The following UNC93B1 variants were observed in gnomAD, a reference collection of about 807,000 sequenced individuals.
The protein encoded by UNC93B1 is unc-93B1 regulator of TLR signaling.
Under a neutral mutation model 56.8 loss-of-function variants are expected in UNC93B1, and 33 were observed. That is an observed-to-expected ratio of 0.58 (90% CI 0.44 to 0.78). UNC93B1 has a LOEUF of 0.78. Ranked by LOEUF, UNC93B1 falls within the 30% of genes least tolerant of loss-of-function variation. The pLI, the probability that UNC93B1 is intolerant of heterozygous loss-of-function variation, is 0.00. For missense variants in UNC93B1, 673 were observed against 819.5 expected (o/e 0.82, Z 2.18); for synonymous variants, 334 against 358.6 (o/e 0.93, Z 0.77).
chr11:67,994,014 G>C (rs10459020), intron 9 of UNC93B1, among the ~76,000 whole-genome samples: 22,706 of 152,206 alleles, frequency 0.15, 1,820 homozygotes, highest in South Asian at 0.18. Flanking sequence ...CAGGTGCCTC[G>C]GGCTGTGTGG....
Position 67,996,582 on chromosome 11 carries a change from C to T in UNC93B1, c.1089+20G>A, listed in dbSNP as rs1347456889. ...GCTATCTTGTCTTTTGTCGGGCAAT[C>T]CTTTGCAGGCTGTACTTACCAAGGC... On this transcript the variant is annotated intron_variant, in intron 8 of 10. Coordinates refer to ENST00000227471, the MANE Select transcript of UNC93B1 (RefSeq NM_030930.4). The T allele has an allele frequency of 5.3e-6, 8 of 1,509,590 alleles. No individual in the cohort carries two copies. Among genetic ancestry groups the T allele is most frequent in the Non-Finnish European group, 7.1e-6 (8 of 1,123,348 alleles). The allele number at this position is 1,509,590 out of a possible 1,614,324, so 93.5% of individuals were successfully genotyped here.
At chr11:67,993,914 C>T (rs374211173) in intron 9 of UNC93B1, 120 bp from the exon 10 acceptor site, 10 of 761,468 alleles carry the variant, frequency 1.3e-5, no homozygotes, top group East Asian at 5.4e-5. Flanking sequence ...GACCAGAGAG[C>T]GCCTAGAAAG....
chr11:68,003,835 G>T lies in UNC93B1; in HGVS notation c.97-37C>A, dbSNP rs1225827597. The T allele has an allele frequency of 4.9e-6, 7 of 1,427,900 alleles. No individual in the cohort carries two copies. Among genetic ancestry groups the T allele is most frequent in the South Asian group, 4.2e-5 (3 of 70,756 alleles). The allele number at this position is 1,427,900 out of a possible 1,614,324, so 88.5% of individuals were successfully genotyped here. A position where few individuals can be genotyped will look rare whatever the true frequency, so the allele number is the denominator to read the frequency against. On this transcript the variant is annotated intron_variant, in intron 1 of 10. Transcript: ENST00000227471. This position sits in a 1 kb window ranked among gnomAD's most constrained non-coding sequence, Gnocchi z 4.4. The stretch of plus-strand genomic sequence containing the variant: ...GCACGCCGCTCGCACCCGCGATCGC[G>T]CCCCGAACCCGTGTCCCCCGGTGCC...
rs964738111 is a variant in UNC93B1, at chr11:67,991,563, C to T, written c.1777G>A (p.Gly593Arg). ...CPYEQAQGGD[G>R]PEEQ is the part of the protein sequence containing the mutation. ...GCGGCCCCTCACTGCTCCTCCGGCC[C>T]GTCTCCCCCCTGCGCCTGTTCGTAC... The change falls in exon 11 of 11, where the codon GGG becomes AGG. Residue 593 changes from glycine to arginine, a missense_variant. Physicochemically the swap from Gly to Arg is moderately radical, Grantham distance 125. Around this residue, in one of 3 missense-constraint regions of UNC93B1, gnomAD observed 80 missense variants for 85.3 expected, o/e 0.94. Coordinates refer to ENST00000227471, the MANE Select transcript of UNC93B1 (RefSeq NM_030930.4). The T allele has an allele frequency of 1.5e-4, 222 of 1,472,490 alleles. 1 individual carries two copies. In the Middle Eastern group the frequency reaches 1.7e-3, roughly 11 times the overall value. The allele number at this position is 1,472,490 out of a possible 1,614,324, so 91.2% of individuals were successfully genotyped here. A position where few individuals can be genotyped will look rare whatever the true frequency, so the allele number is the denominator to read the frequency against.
Position 67,999,218 on chromosome 11 carries a change from C to T in UNC93B1, c.642G>A (p.Ala214=), listed in dbSNP as rs201137048. The T allele has an allele frequency of 7.9e-4, 1,278 of 1,613,802 alleles. 1 individual carries two copies. The highest frequency in any genetic ancestry group is 9.3e-4 in the Non-Finnish European group (1,101 of 1,179,902). The change falls in exon 5 of 11, where the codon GCG becomes GCA. Residue 214 remains alanine (A), a synonymous_variant. Coordinates refer to ENST00000227471, the MANE Select transcript of UNC93B1 (RefSeq NM_030930.4). ...TGGCTTGGAAGACCAGGAGATAGGG[C>T]GCGTGGGAGCCCCGCGGAGGCCGCT... ...MKQRPPRGSH[A]PYLLVFQAIF...
At position 68,003,165 on chromosome 11, in the gene UNC93B1, C is replaced by G; in HGVS notation, c.249G>C (p.Gln83His). The G allele has an allele frequency of 4.3e-6, 7 of 1,611,942 alleles. No homozygotes were observed. The highest frequency in any genetic ancestry group is 5.9e-6 in the Non-Finnish European group (7 of 1,179,702). ...CGTCGTAGTGCAGGATCAGCTGCAT[C>G]TGCAGGAGGCCTGGGGACAGGACAG... ...LTYGVYLGLL[Q>H]MQLILHYDET... is the part of the protein sequence containing the mutation. Residue 83 changes from glutamine (Q) to histidine (H), a missense_variant, in exon 3 of 11, where the codon CAG (glutamine) becomes CAC (histidine). By Grantham distance (24) the Gln-to-His change is conservative. Transcript: ENST00000227471. The surrounding 1 kb of genome is among the most constrained non-coding windows in gnomAD (Gnocchi z 4.4).
chr11:67,994,897 T>G (rs4014619), intron 9 of UNC93B1, among the ~76,000 whole-genome samples: 5 of 152,098 alleles, frequency 3.3e-5, no homozygotes, highest in African/African-American at 9.7e-5. Flanking sequence ...CTAGCTGTGT[T>G]TCACTGCGTG....
rs754100504 is a variant in UNC93B1, at chr11:67,999,300, G to A, written c.560C>T (p.Ala187Val). ...GTGGGAGTACTCATGGTACTTCTGC[G>A]CCATCCTGGACCACAAAGGAGAGAA... ...ASMGNYITRMAQKYHEYSHYK... is the reference protein window; with the variant it reads ...ASMGNYITRMVQKYHEYSHYK... The change falls in exon 5 of 11, where the codon GCG becomes GTG. Residue 187 changes from alanine (A) to valine (V), a missense_variant. Ala to Val is a moderately conservative substitution (Grantham distance 64, BLOSUM62 0). This residue lies in a region of UNC93B1 where 438 missense variants were observed against 465.9 expected (regional missense o/e 0.94). Transcript: ENST00000227471. 9.3e-6 allele frequency: 15 copies of A among 1,612,158 alleles called. No individual in the cohort carries two copies. The highest frequency in any genetic ancestry group is 3.3e-5 in the Admixed American group (2 of 59,742).
In UNC93B1 at chr11:67,991,568, C is replaced by G. The variant is rs531159136; in HGVS notation, c.1772G>C (p.Gly591Ala). Residue 591 changes from glycine (G) to alanine (A), a missense_variant, in exon 11 of 11, where the codon GGA becomes GCA. Around this residue, in one of 3 missense-constraint regions of UNC93B1, gnomAD observed 80 missense variants for 85.3 expected, o/e 0.94. Transcript: ENST00000227471. ...CCCTCACTGCTCCTCCGGCCCGTCTCCCCCCTGCGCCTGTTCGTACGGGCA... is the reference window on the plus strand; with the variant it reads ...CCCTCACTGCTCCTCCGGCCCGTCTGCCCCCTGCGCCTGTTCGTACGGGCA... ...RPCPYEQAQG[G>A]DGPEEQ is the part of the protein sequence containing the mutation. The G allele has an allele frequency of 5.4e-6, 8 of 1,478,972 alleles. No homozygotes were observed. The highest frequency in any genetic ancestry group is 2.8e-5 in the East Asian group (1 of 36,328). 91.6% of individuals were successfully genotyped at this position (1,478,972 alleles called of 1,614,324 possible). A position where few individuals can be genotyped will look rare whatever the true frequency, so the allele number is the denominator to read the frequency against.
Position 67,996,703 on chromosome 11 carries a change from G to A in UNC93B1, c.988C>T (p.Leu330=). The A allele has an allele frequency of 1.3e-6, 2 of 1,552,370 alleles. No individual in the cohort carries two copies. Among genetic ancestry groups the A allele is most frequent in the East Asian group, 2.4e-5 (1 of 40,968 alleles). ...TAGTCACGCACGTGCTTGAAGGGCA[G>A]CTGGAAGATGTTGCCCCAGCCCACG... ...RSVGWGNIFQ[L]PFKHVRDYRL... The change falls in exon 8 of 11, where the codon CTG becomes TTG. Residue 330 remains leucine, a synonymous_variant. Coordinates refer to ENST00000227471, the MANE Select transcript of UNC93B1 (RefSeq NM_030930.4).
At chr11:67,995,236 G>A (rs1308712087) in intron 9 of UNC93B1, among the ~76,000 whole-genome samples, 1 of 152,128 alleles carries the variant, frequency 6.6e-6, no homozygotes, top group Non-Finnish European at 1.5e-5. Flanking sequence ...TTTTCACACT[G>A]TCCCTAAGGG....
rs773673192 is a variant in UNC93B1, at chr11:67,997,668, G to A, written c.906+7C>T. ...ACTGACTGTCCTGCCCCCATCCCGGGCCGCACCAGCAGCATGGCCAGGAAG... is the reference window on the plus strand; with the variant it reads ...ACTGACTGTCCTGCCCCCATCCCGGACCGCACCAGCAGCATGGCCAGGAAG... On this transcript the variant is annotated splice_region_variant and intron_variant, in intron 7 of 10. Transcript: ENST00000227471. 2.5e-6 allele frequency: 4 copies of A among 1,601,744 alleles called. No homozygotes were observed. Among genetic ancestry groups the A allele is most frequent in the Non-Finnish European group, 3.4e-6 (4 of 1,179,788 alleles).
intron 9 of UNC93B1, 31 bp from the exon 10 acceptor site, chr11:67,993,825 G>A (rs748498048): frequency 3.5e-6 from 4 of 1,140,702 alleles, no homozygotes; most frequent in East Asian, 5.1e-5. Context: ...GCAGGCAGGG[G>A]AGAGGTGTCA....
Position 68,003,834 on chromosome 11 carries a change from C to G in UNC93B1, c.97-36G>C. The stretch of plus-strand genomic sequence containing the variant: ...CGCACGCCGCTCGCACCCGCGATCG[C>G]GCCCCGAACCCGTGTCCCCCGGTGC... On this transcript the variant is annotated intron_variant, in intron 1 of 10. Transcript: ENST00000227471. This position sits in a 1 kb window ranked among gnomAD's most constrained non-coding sequence, Gnocchi z 4.4. 1 of 1,428,886 alleles carries G rather than the reference C, an allele frequency of 7.0e-7. No homozygotes were observed. The allele number at this position is 1,428,886 out of a possible 1,614,324, so 88.5% of individuals were successfully genotyped here.
chr11:67,997,067 T>G (rs1856960386), intron 7 of UNC93B1, among the ~76,000 whole-genome samples: 1 of 151,452 alleles, frequency 6.6e-6, no homozygotes, highest in Non-Finnish European at 1.5e-5. Flanking sequence ...ATACACACAC[T>G]TCACAACTCA....
At chr11:67,998,248 G>T in intron 6 of UNC93B1, 111 bp downstream of exon 6, 1 of 1,263,402 alleles carries the variant, frequency 7.9e-7, no homozygotes, top group Admixed American at 1.7e-5. Context: ...GCCCACCAGA[G>T]CCGTGGGGCA....
chr11:67,996,261 C>A (rs1160485508), intron 8 of UNC93B1, among the ~76,000 whole-genome samples: 2 of 152,004 alleles, frequency 1.3e-5, no homozygotes, highest in Admixed American at 6.5e-5. Context: ...CCACACCCTG[C>A]CCTCCCTGGA....
rs937751489 is a variant in UNC93B1, at chr11:68,003,957, G to A, written c.87C>T (p.Pro29=). Residue 29 remains proline, a synonymous_variant, in exon 1 of 11, where the codon CCC becomes CCT. Coordinates refer to ENST00000227471, the MANE Select transcript of UNC93B1 (RefSeq NM_030930.4). The surrounding 1 kb of genome is among the most constrained non-coding windows in gnomAD (Gnocchi z 4.4). ...DEDLLGVPDG[P]EAPLDELVGA... is the part of the protein sequence containing the mutation. Reference sequence around the variant, plus strand: ...CCGGGTCCCCGCTCACCGGGGCCTCGGGCCCGTCCGGGACCCCGAGCAGGT... The same window carrying A: ...CCGGGTCCCCGCTCACCGGGGCCTCAGGCCCGTCCGGGACCCCGAGCAGGT... 8 of 1,389,748 alleles carry A rather than the reference G, an allele frequency of 5.8e-6. No individual in the cohort carries two copies. Among genetic ancestry groups the A allele is most frequent in the Admixed American group, 2.6e-5 (1 of 38,114 alleles). The allele number at this position is 1,389,748 out of a possible 1,614,324, so 86.1% of individuals were successfully genotyped here. A position where few individuals can be genotyped will look rare whatever the true frequency, so the allele number is the denominator to read the frequency against.
intron 4 of UNC93B1, 26 bp from the exon 5 acceptor site, chr11:67,999,331 T>A (rs770491713): frequency 6.3e-7 from 1 of 1,598,130 alleles, no homozygotes; most frequent in Non-Finnish European, 8.5e-7. Context: ...GAGAAGGCTC[T>A]CCCCAGCCCG....
Sources: gnomAD v4.1 joint callset for allele counts (sites outside exome capture counted in the v4.1 genomes callset) on GRCh38, gnomAD v4.1.1 for gene constraint, gnomAD v4.1.1 regional missense constraint, Gnocchi (gnomAD v3.1) non-coding constraint, MANE v1.5 for transcripts, NCBI Gene and HGNC (gene_info 2026-07-23, HGNC 2026-07-21) for gene names.